Variants in ZNF384 observed in about 807,000 individuals in gnomAD.
ZNF384 encodes zinc finger protein 384.
Under a neutral mutation model 65.0 loss-of-function variants are expected in ZNF384, and 20 were observed. The ratio of observed to expected loss-of-function variants is 0.31; its 90% CI spans 0.22 to 0.45. The LOEUF is 0.45. ZNF384 is among the 20% of genes least tolerant of loss of function. The probability of loss-of-function intolerance (pLI) is 1.00; values close to 1 mark genes in which losing one functional copy is unlikely to be tolerated. For missense variants in ZNF384, 549 were observed against 769.4 expected, an observed-to-expected ratio of 0.71 and a Z score of 3.39; for synonymous variants, 310 against 303.9, an observed-to-expected ratio of 1.02 and a Z score of -0.21.
At chr12:6,687,195 A>T (rs1373523049) in intron 2 of ZNF384, among the ~76,000 whole-genome samples, 6 of 152,138 alleles carry the variant, frequency 3.9e-5, no homozygotes, top group Non-Finnish European at 8.8e-5. Flanking sequence ...GAACAAATGC[A>T]CCCCAATGTT....
At position 6,672,276 on chromosome 12, in the gene ZNF384, T is replaced by G; in HGVS notation, c.1187+74A>C. On this transcript the variant is annotated intron_variant, in intron 9 of 11. Transcript: ENST00000683879. The surrounding 1 kb of genome is among the most constrained non-coding windows in gnomAD (Gnocchi z 4.4). ...TCCCCCGCCCCCCGCATGCGGGTTG[T>G]TGTGTGTGTCCGGGGCGGGGGTGGG... The G allele has an allele frequency of 1.4e-5, 20 of 1,459,754 alleles. No individual in the cohort carries two copies. The highest frequency in any genetic ancestry group is 2.6e-5 in the South Asian group (2 of 77,106). The allele number at this position is 1,459,754 out of a possible 1,614,324, so 90.4% of individuals were successfully genotyped here. A position where few individuals can be genotyped will look rare whatever the true frequency, so the allele number is the denominator to read the frequency against.
chr12:6,675,793 A>G (rs1411804440), intron 7 of ZNF384, among the ~76,000 whole-genome samples: 3 of 152,212 alleles, frequency 2.0e-5, no homozygotes, highest in Non-Finnish European at 4.4e-5. Context: ...AACAATTTCA[A>G]ATATTCTGAC....
chr12:6,682,448 C>T (rs757987544), intron 2 of ZNF384, among the ~76,000 whole-genome samples: 3 of 152,100 alleles, frequency 2.0e-5, no homozygotes, highest in Non-Finnish European at 4.4e-5. Flanking sequence ...TGCTTGAGTC[C>T]ACCAGCATAG....
rs746727132 is a variant in ZNF384, at chr12:6,669,100, G to A, written c.1356C>T (p.His452=). 6 of 1,614,092 alleles carry A rather than the reference G, an allele frequency of 3.7e-6. No individual in the cohort carries two copies. The Admixed American group carries it at 5.0e-5, about 13-fold the overall frequency. ...AYTDAASLEV[H]LSTHTVKHAK... is the part of the protein sequence containing the mutation. ...CATGCTTCACTGTGTGCGTAGACAG[G>A]TGCACCTCTAGTGAGGCTGCATCCG... Residue 452 remains histidine, a synonymous_variant, in exon 11 of 12, where the codon CAC becomes CAT. Transcript: ENST00000683879.
chr12:6,686,627 A>G (rs1393350684), intron 2 of ZNF384, among the ~76,000 whole-genome samples: 1 of 152,176 alleles, frequency 6.6e-6, no homozygotes, highest in Non-Finnish European at 1.5e-5. Flanking sequence ...TGAATTAACC[A>G]TTTTACTAGG....
intron 10 of ZNF384, among the ~76,000 whole-genome samples, 163 bp from the exon 11 acceptor site, chr12:6,669,352 A>G (rs1477466492): frequency 6.6e-6 from 1 of 152,174 alleles, no homozygotes; most frequent in Non-Finnish European, 1.5e-5. Context: ...GCTACAGGCT[A>G]AGGGTGGAAG....
chr12:6,686,726 AAG>A (rs1958058776), intron 2 of ZNF384, among the ~76,000 whole-genome samples: 1 of 152,226 alleles, frequency 6.6e-6, no homozygotes, highest in African/African-American at 2.4e-5. Context: ...CAGCACAAAA[AAG>A]AGAAAGAATG....
Position 6,669,154 on chromosome 12 carries a change from G to C in ZNF384, c.1302C>G (p.Phe434Leu). ...ACGCCCGATGACAGTTGTGGCACTT[G>C]AAGGGTTTATCTTTGTTGTGTTGCC... ...HRRQHNKDKP[F>L]KCHNCHRAYT... is the part of the protein sequence containing the mutation. Residue 434 changes from phenylalanine to leucine, a missense_variant, in exon 11 of 12, where the codon TTC (phenylalanine) becomes TTG (leucine). Phe to Leu is a conservative substitution (Grantham distance 22). Transcript: ENST00000683879. 1 of 1,613,608 alleles carries C rather than the reference G, an allele frequency of 6.2e-7. No homozygotes were observed. Among genetic ancestry groups the C allele is most frequent in the Non-Finnish European group, 8.5e-7 (1 of 1,179,702 alleles).
At chr12:6,682,377 T>A (rs1490720543) in intron 2 of ZNF384, among the ~76,000 whole-genome samples, 3 of 141,900 alleles carry the variant, frequency 2.1e-5, no homozygotes, top group Non-Finnish European at 4.7e-5. Context: ...AAACAAAACA[T>A]GCAAGTTGCG....
Position 6,678,196 on chromosome 12 carries a change from T to C in ZNF384, c.617A>G (p.Glu206Gly). The part of the protein sequence containing the change: ...KKRMLESGLP[E>G]MNDPYVLSPE... ...GGAGAGGACATAAGGGTCATTCATCTCGGGCAGCCCTGATTCCAGCATCCG... is the reference window on the plus strand; with the variant it reads ...GGAGAGGACATAAGGGTCATTCATCCCGGGCAGCCCTGATTCCAGCATCCG... The change falls in exon 6 of 12, where the codon GAG (glutamate) becomes GGG (glycine). Residue 206 changes from glutamate to glycine, a missense_variant. Glu to Gly is a moderately conservative substitution (Grantham distance 98, BLOSUM62 -2). Around this residue, in one of 5 missense-constraint regions of ZNF384, gnomAD observed 277 missense variants for 337.2 expected, o/e 0.82. Transcript: ENST00000683879. The surrounding 1 kb of genome is among the most constrained non-coding windows in gnomAD (Gnocchi z 4.9). 1 of 1,614,178 alleles carries C rather than the reference T, an allele frequency of 6.2e-7. No individual in the cohort carries two copies. Among genetic ancestry groups the C allele is most frequent in the Non-Finnish European group, 8.5e-7 (1 of 1,180,026 alleles).
Position 6,678,646 on chromosome 12 carries a change from G to T in ZNF384, c.352+17C>A, listed in dbSNP as rs374382738. Reference sequence around the variant, plus strand: ...CCTAACCCTTGTCCCCACCCCCCTGGTAACAGTGAGATTTACCCCTTGATT... The same window carrying T: ...CCTAACCCTTGTCCCCACCCCCCTGTTAACAGTGAGATTTACCCCTTGATT... On this transcript the variant is annotated intron_variant, in intron 5 of 11. Transcript: ENST00000683879. The surrounding 1 kb of genome is among the most constrained non-coding windows in gnomAD (Gnocchi z 4.9). 291 of 1,612,244 alleles carry T rather than the reference G, an allele frequency of 1.8e-4. No individual in the cohort carries two copies. Among genetic ancestry groups the T allele is most frequent in the Non-Finnish European group, 2.3e-4 (274 of 1,179,516 alleles).
chr12:6,666,920 AC>A lies in ZNF384; in HGVS notation c.*793del, dbSNP rs958590156. 8.5e-5 allele frequency: 17 copies of A among 200,214 alleles called. No individual in the cohort carries two copies. The highest frequency in any genetic ancestry group is 1.5e-4 in the Non-Finnish European group (15 of 97,198). 12.4% of individuals were successfully genotyped at this position (200,214 alleles called of 1,614,324 possible). A position where few individuals can be genotyped will look rare whatever the true frequency, so the allele number is the denominator to read the frequency against. On this transcript the variant is annotated 3_prime_UTR_variant, in exon 12 of 12. Transcript: ENST00000683879. ...CCTTGAACTCTCCCTTCTCCGCAAC[AC>A]CCCTGTTTTGGAGTTTCACAGATAA...
chr12:6,678,127 C>T lies in ZNF384; in HGVS notation c.686G>A (p.Arg229Lys), dbSNP rs1954445579. 1 of 1,609,786 alleles carries T rather than the reference C, an allele frequency of 6.2e-7. No individual in the cohort carries two copies. The highest frequency in any genetic ancestry group is 1.7e-5 in the Admixed American group (1 of 59,892). Residue 229 changes from arginine (R) to lysine (K), a missense_variant and splice_region_variant, in exon 6 of 12, where the codon AGG (arginine) becomes AAG (lysine). By Grantham distance (26) the Arg-to-Lys change is conservative. Coordinates refer to ENST00000683879, the MANE Select transcript of ZNF384 (RefSeq NM_001385745.1). This position sits in a 1 kb window ranked among gnomAD's most constrained non-coding sequence, Gnocchi z 4.9. ...TCCTGCCCCTGGCTCTGAGTCTTAC[C>T]TGTAGGTCTTGCCGTCTTTCTGATG... ...DDHQKDGKTY[R>K]SEGNCGTGNG...
At chr12:6,668,809 T>C (rs1397868830) in intron 11 of ZNF384, among the ~76,000 whole-genome samples, 2 of 152,012 alleles carry the variant, frequency 1.3e-5, no homozygotes. Context: ...TTAAGTAAAA[T>C]GAAGAATTAC....
At chr12:6,681,560 T>C (rs1207339993) in intron 2 of ZNF384, among the ~76,000 whole-genome samples, 1 of 152,156 alleles carries the variant, frequency 6.6e-6, no homozygotes, top group Non-Finnish European at 1.5e-5. Flanking sequence ...GACAGGCAAG[T>C]TGACCCACTG....
chr12:6,676,193 G>A (rs892969215), intron 7 of ZNF384, among the ~76,000 whole-genome samples: 11 of 152,122 alleles, frequency 7.2e-5, no homozygotes, highest in African/African-American at 2.4e-4. Flanking sequence ...CCAGCTACTC[G>A]GGAGGCTGAG....
At position 6,678,336 on chromosome 12, in the gene ZNF384, C is replaced by G. The variant is rs1403607818; in HGVS notation, c.477G>C (p.Gln159His). The G allele has an allele frequency of 6.2e-7, 1 of 1,613,980 alleles. No individual in the cohort carries two copies. Among genetic ancestry groups the G allele is most frequent in the Non-Finnish European group, 8.5e-7 (1 of 1,180,028 alleles). The change falls in exon 6 of 12, where the codon CAG (glutamine) becomes CAC (histidine). Residue 159 changes from glutamine to histidine, a missense_variant. By Grantham distance (24) the Gln-to-His change is conservative. This residue lies in a region of ZNF384 where 277 missense variants were observed against 337.2 expected (regional missense o/e 0.82). Coordinates refer to ENST00000683879, the MANE Select transcript of ZNF384 (RefSeq NM_001385745.1). This position sits in a 1 kb window ranked among gnomAD's most constrained non-coding sequence, Gnocchi z 4.9. ...CCTTCTTGGAGAGGTCAGGGACAAC[C>G]TGCAGGGCTTGTGAGCCAGGGGGAA... ...SALPPGSQAL[Q>H]VVPDLSKKVA... is the part of the protein sequence containing the mutation.
At chr12:6,680,317 A>T (rs1241945026) in intron 2 of ZNF384, among the ~76,000 whole-genome samples, 1 of 152,038 alleles carries the variant, frequency 6.6e-6, no homozygotes, top group Admixed American at 6.6e-5. Context: ...GTGTAGTTTG[A>T]GAAGGTTCCA....
intron 7 of ZNF384, among the ~76,000 whole-genome samples, chr12:6,674,649 T>A: frequency 6.6e-6 from 1 of 152,210 alleles, no homozygotes; most frequent in Non-Finnish European, 1.5e-5. Flanking sequence ...CTGTTTATAG[T>A]GAGCATAATC....
Sources: allele counts gnomAD v4.1 joint callset (sites outside exome capture counted in the v4.1 genomes callset), GRCh38; gene constraint gnomAD v4.1.1; regional missense constraint gnomAD v4.1.1; non-coding constraint Gnocchi (gnomAD v3.1); transcripts MANE v1.5; gene names NCBI Gene and HGNC (gene_info 2026-07-23, HGNC 2026-07-21).